SLIT2: variants seen among roughly 807,000 people sequenced by gnomAD.
The protein encoded by SLIT2 is slit guidance ligand 2.
In SLIT2, 41 loss-of-function variants were observed where a neutral mutation model predicts 185.7. The ratio of observed to expected loss-of-function variants is 0.22; its 90% CI spans 0.17 to 0.29. The LOEUF is 0.29. Ranked by LOEUF, SLIT2 falls within the 10% of genes least tolerant of loss-of-function variation. The probability of loss-of-function intolerance (pLI) is 1.00; values close to 1 mark genes in which losing one functional copy is unlikely to be tolerated. For synonymous variants in SLIT2, 693 were observed against 680.2 expected (o/e 1.02, Z -0.29); for missense variants, 1,571 against 1,909.0 (o/e 0.82, Z 3.30).
At chr4:20,517,854 C>T (rs914284516) in intron 11 of SLIT2, among the ~76,000 whole-genome samples, 5 of 151,864 alleles carry the variant, frequency 3.3e-5, no homozygotes, top group Non-Finnish European at 5.9e-5. Flanking sequence ...TGCTGCCAAA[C>T]GTATCAATTA....
At chr4:20,572,876 A>G (rs1725729022) in intron 29 of SLIT2, among the ~76,000 whole-genome samples, 1 of 152,184 alleles carries the variant, frequency 6.6e-6, no homozygotes, top group African/African-American at 2.4e-5. Flanking sequence ...CATTTTGTGG[A>G]AAATATTCAG....
At chr4:20,471,701 A>T (rs1377833876) in intron 5 of SLIT2, among the ~76,000 whole-genome samples, 2 of 152,192 alleles carry the variant, frequency 1.3e-5, no homozygotes, top group Non-Finnish European at 2.9e-5. Context: ...ATTTGCTTTA[A>T]TCTTGTGGAT....
At chr4:20,453,562 T>C (rs1252022560) in intron 4 of SLIT2, among the ~76,000 whole-genome samples, 1 of 152,204 alleles carries the variant, frequency 6.6e-6, no homozygotes, top group Non-Finnish European at 1.5e-5. Context: ...TAAATGTTAG[T>C]CTTAATTTAT....
chr4:20,274,092 C>T (rs1577352875), intron 4 of SLIT2, among the ~76,000 whole-genome samples: 1 of 152,100 alleles, frequency 6.6e-6, no homozygotes, highest in Non-Finnish European at 1.5e-5. Context: ...TCGAAGGTGG[C>T]GTCTGTGTTC....
intron 32 of SLIT2, among the ~76,000 whole-genome samples, chr4:20,597,896 AAT>A (rs1211583082): frequency 1.3e-5 from 2 of 152,234 alleles, no homozygotes; most frequent in Non-Finnish European, 2.9e-5. Context: ...GTTGTTTTTA[AAT>A]ATGAGATATA....
chr4:20,256,845 A>G (rs1278185714), intron 2 of SLIT2, 102 bp downstream of exon 2: 8 of 563,116 alleles, frequency 1.4e-5, no homozygotes, highest in Non-Finnish European at 2.5e-5. Context: ...AGTAACATAA[A>G]ACATTTAAAA....
chr4:20,295,812 C>G (rs13151189), intron 4 of SLIT2, among the ~76,000 whole-genome samples: 10,555 of 151,270 alleles, frequency 0.07, 413 homozygotes, highest in South Asian at 0.18. Context: ...ATAATTGCAG[C>G]CTTCATTTCT....
chr4:20,494,566 G>A (rs185435582), intron 9 of SLIT2, among the ~76,000 whole-genome samples: 1 of 152,190 alleles, frequency 6.6e-6, no homozygotes, highest in African/African-American at 2.4e-5. Context: ...CATGAGGTCA[G>A]GAGATCCAGA....
At chr4:20,526,061 C>G (rs1360645516) in intron 15 of SLIT2, among the ~76,000 whole-genome samples, 2 of 152,100 alleles carry the variant, frequency 1.3e-5, no homozygotes, top group Non-Finnish European at 2.9e-5. Context: ...GCCACATTCA[C>G]CGTCTCTTGG....
In SLIT2 at chr4:20,546,847, A is replaced by G. The variant is rs550061283; in HGVS notation, c.2345+748A>G. Among the ~76,000 whole-genome samples, 5 of 152,208 alleles carry G rather than the reference A, an allele frequency of 3.3e-5. No homozygotes were observed. The South Asian group carries it at 1.0e-3, about 32-fold the overall frequency. ...TACTTTTAAAGTAGCCTTATTGGTA[A>G]TTGAGAAAACTTTTCAGAACACAAA... is the stretch of plus-strand genomic sequence containing the variant. On this transcript the variant is annotated intron_variant, in intron 22 of 36. Coordinates refer to ENST00000504154, the MANE Select transcript of SLIT2 (RefSeq NM_004787.4).
chr4:20,489,036 C>A, intron 8 of SLIT2, 54 bp downstream of exon 8: 1 of 1,468,374 alleles, frequency 6.8e-7, no homozygotes, highest in South Asian at 1.2e-5. Flanking sequence ...TGTTATGTAA[C>A]AGAATGTGAG....
In SLIT2 at chr4:20,253,908, G is replaced by A; in HGVS notation, c.93G>A (p.Gln31=). The A allele has an allele frequency of 6.2e-7, 1 of 1,602,082 alleles. No individual in the cohort carries two copies. Among genetic ancestry groups the A allele is most frequent in the Non-Finnish European group, 8.5e-7 (1 of 1,179,942 alleles). Residue 31 remains glutamine, a synonymous_variant, in exon 1 of 37, where the codon CAG becomes CAA. Coordinates refer to ENST00000504154, the MANE Select transcript of SLIT2 (RefSeq NM_004787.4). The part of the protein sequence containing the change: ...NKVAPQACPA[Q]CSCSGSTVDC... ...TGGCACCGCAGGCGTGCCCGGCGCA[G>A]TGCTCTTGCTCGGGCAGCACAGTGG...
intron 33 of SLIT2, among the ~76,000 whole-genome samples, chr4:20,607,021 T>C (rs1235626241): frequency 6.6e-6 from 1 of 152,216 alleles, no homozygotes; most frequent in East Asian, 1.9e-4. Context: ...CAGAACTGTT[T>C]AGCCACTAAC....
At chr4:20,398,910 G>A (rs1304133362) in intron 4 of SLIT2, among the ~76,000 whole-genome samples, 1 of 151,588 alleles carries the variant, frequency 6.6e-6, no homozygotes, top group African/African-American at 2.4e-5. Context: ...ATAAATTCAT[G>A]CAGTTATACT....
intron 4 of SLIT2, among the ~76,000 whole-genome samples, chr4:20,374,979 CT>C (rs1202608141): frequency 5.9e-5 from 9 of 151,268 alleles, no homozygotes; most frequent in East Asian, 1.9e-4. Context: ...TTTATTATTG[CT>C]TTTTTTTTCT....
intron 19 of SLIT2, among the ~76,000 whole-genome samples, chr4:20,540,467 G>A (rs915709365): frequency 1.3e-5 from 2 of 151,984 alleles, no homozygotes; most frequent in Admixed American, 6.6e-5. Flanking sequence ...AAGAGTATTT[G>A]TAGGCCTATA....
At chr4:20,444,086 A>G (rs927381658) in intron 4 of SLIT2, among the ~76,000 whole-genome samples, 1 of 152,168 alleles carries the variant, frequency 6.6e-6, no homozygotes, top group Non-Finnish European at 1.5e-5. Flanking sequence ...ATTACTGTGG[A>G]TATTATAGAT....
intron 4 of SLIT2, among the ~76,000 whole-genome samples, chr4:20,280,186 AGCTGGGCGTGGTG>A (rs944366221): frequency 1.3e-5 from 2 of 151,932 alleles, no homozygotes; most frequent in African/African-American, 4.8e-5. Flanking sequence ...ACAAAAAATT[AGCTGGGCGTGGTG>A]GCGGGCGCCT....
At chr4:20,518,559 A>ATG (rs1418734678) in intron 11 of SLIT2, among the ~76,000 whole-genome samples, 10 of 9,202 alleles carry the variant, frequency 1.1e-3, no homozygotes, top group African/African-American at 3.3e-3. Flanking sequence ...GCCTATATGT[A>ATG]TATATATATA....
Sources: allele counts gnomAD v4.1 joint callset (sites outside exome capture counted in the v4.1 genomes callset), GRCh38; gene constraint gnomAD v4.1.1; transcripts MANE v1.5; gene names NCBI Gene and HGNC (gene_info 2026-07-23, HGNC 2026-07-21).